KLB: variants seen among roughly 807,000 people sequenced by gnomAD.
KLB encodes the protein beta-klotho.
In KLB, 44 loss-of-function variants were observed where a neutral mutation model predicts 88.4. The ratio of observed to expected loss-of-function variants is 0.50; its 90% confidence interval spans 0.39 to 0.64. The LOEUF (loss-of-function observed/expected upper bound fraction) is 0.64, where lower values mean the gene tolerates loss of function less well. Ranked by LOEUF, KLB falls within the 30% of genes least tolerant of loss-of-function variation. The probability of loss-of-function intolerance (pLI) is 0.00; values close to 1 mark genes in which losing one functional copy is unlikely to be tolerated. For missense variants in KLB, 1,137 were observed against 1,304.8 expected (o/e 0.87, Z 1.98); for synonymous variants, 548 against 513.4 (o/e 1.07, Z -0.91).
At chr4:39,441,591 G>A (rs1325571646) in intron 3 of KLB, 8 of 151,976 alleles carry the variant, frequency 5.3e-5, no homozygotes, top group Admixed American at 4.6e-4. Flanking sequence ...GTCAGGTCTG[G>A]GTTTCATACT....
chr4:39,428,535 T>C (rs1021915996), intron 1 of KLB, among the ~76,000 whole-genome samples: 2 of 151,734 alleles, frequency 1.3e-5, no homozygotes, highest in Admixed American at 1.3e-4. Flanking sequence ...AAGTTAGCTA[T>C]TGAAACATTT....
intron 1 of KLB, among the ~76,000 whole-genome samples, chr4:39,421,302 CAAAT>C (rs1418512636): frequency 1.9e-4 from 29 of 152,124 alleles, no homozygotes; most frequent in African/African-American, 7.0e-4. Flanking sequence ...GAAACTCAGA[CAAAT>C]AAAAGTGACT....
At chr4:39,434,818 T>G (rs1180226964) in intron 2 of KLB, 98 bp downstream of exon 2, 6 of 1,002,572 alleles carry the variant, frequency 6.0e-6, no homozygotes, top group Non-Finnish European at 8.6e-6. Context: ...TGGGCTTTTT[T>G]TTTTTTGAAA....
At chr4:39,423,104 C>T (rs1488320666) in intron 1 of KLB, among the ~76,000 whole-genome samples, 3 of 151,850 alleles carry the variant, frequency 2.0e-5, no homozygotes, top group Non-Finnish European at 4.4e-5. Context: ...GATCACCATT[C>T]ACAGGGGAAG....
At position 39,447,331 on chromosome 4, in the gene KLB, G is replaced by C; in HGVS notation, c.2605G>C (p.Val869Leu). ...PTRLAVIPWG[V>L]RKLLRWVRRN... ...GCGCCTGGCTGTGATTCCCTGGGGGGTGCGCAAGCTGCTGCGGTGGGTCCG... is the reference window on the plus strand; with the variant it reads ...GCGCCTGGCTGTGATTCCCTGGGGGCTGCGCAAGCTGCTGCGGTGGGTCCG... The change falls in exon 4 of 5, where the codon GTG becomes CTG. Residue 869 changes from valine to leucine, a missense_variant. Coordinates refer to ENST00000257408, the MANE Select transcript of KLB (RefSeq NM_175737.4). The C allele has an allele frequency of 6.2e-7, 1 of 1,614,164 alleles. No individual in the cohort carries two copies. Among genetic ancestry groups the C allele is most frequent in the South Asian group, 1.1e-5 (1 of 91,080 alleles).
At chr4:39,428,254 C>T (rs2608818) in intron 1 of KLB, among the ~76,000 whole-genome samples, 81,436 of 151,904 alleles carry the variant, frequency 0.54, 24,071 homozygotes, top group East Asian at 0.71. Context: ...TGGTGAAACC[C>T]CGTCTCTACT....
chr4:39,423,985 T>C (rs1160930611), intron 1 of KLB, among the ~76,000 whole-genome samples: 1 of 151,846 alleles, frequency 6.6e-6, no homozygotes, highest in Non-Finnish European at 1.5e-5. Flanking sequence ...GGCAACATAG[T>C]GAGACCCTGT....
At chr4:39,428,575 C>T (rs373311216) in intron 1 of KLB, among the ~76,000 whole-genome samples, 26 of 151,880 alleles carry the variant, frequency 1.7e-4, no homozygotes, top group African/African-American at 5.6e-4. Flanking sequence ...AACAAAAGAA[C>T]GAAGAAAAAT....
intron 1 of KLB, among the ~76,000 whole-genome samples, chr4:39,429,030 A>G (rs1305307312): frequency 6.6e-6 from 1 of 152,212 alleles, no homozygotes; most frequent in Non-Finnish European, 1.5e-5. Flanking sequence ...TTAGCTGGGA[A>G]ATATGTTTGG....
chr4:39,441,783 T>TAAAC (rs1743602428), intron 3 of KLB: 1 of 150,476 alleles, frequency 6.6e-6, no homozygotes, highest in African/African-American at 2.4e-5. Flanking sequence ...AATAAATAAA[T>TAAAC]AAATAAATAA....
chr4:39,445,375 A>C (rs964602307), intron 3 of KLB, among the ~76,000 whole-genome samples: 2 of 152,210 alleles, frequency 1.3e-5, no homozygotes, highest in Admixed American at 1.3e-4. Context: ...TTCTAGGGAT[A>C]GTCTACTGTC....
At position 39,407,396 on chromosome 4, in the gene KLB, T is replaced by C. The variant is rs1221414221; in HGVS notation, c.447T>C (p.Tyr149=). 1 of 1,613,568 alleles carries C rather than the reference T, an allele frequency of 6.2e-7. No homozygotes were observed. The highest frequency in any genetic ancestry group is 2.2e-5 in the East Asian group (1 of 44,892). Residue 149 remains tyrosine, a synonymous_variant, in exon 1 of 5, where the codon TAT becomes TAC. Transcript: ENST00000257408. ...TGGATTTTATAGGAGTTTCTTTTTA[T>C]CAATTTTCAATTTCCTGGCCAAGGC... ...SALDFIGVSF[Y]QFSISWPRLF...
intron 1 of KLB, among the ~76,000 whole-genome samples, chr4:39,422,396 A>G (rs1743108797): frequency 1.3e-5 from 2 of 152,164 alleles, no homozygotes; most frequent in Non-Finnish European, 2.9e-5. Context: ...GGCAGGCAAG[A>G]GCACATAGGG....
rs143746958 is a variant in KLB at position 39,444,360 on chromosome 4, C to T, written c.1606-1972C>T. ...TTGTTTCAAATTTAGTCAATGGGAC[C>T]CCCTCAAGCTGTTTCTGTCTTTTCC... On this transcript the variant is annotated intron_variant, in intron 3 of 4. Coordinates refer to ENST00000257408, the MANE Select transcript of KLB (RefSeq NM_175737.4). 3.0e-4 allele frequency among the ~76,000 whole-genome samples: 45 copies of T among 152,158 alleles called. No individual in the cohort carries two copies. The East Asian group carries it at 8.1e-3, about 27-fold the overall frequency.
intron 1 of KLB, among the ~76,000 whole-genome samples, chr4:39,413,831 T>C (rs1742911921): frequency 6.6e-6 from 1 of 152,214 alleles, no homozygotes. Flanking sequence ...TGTCTTTTAC[T>C]AGTCACATTG....
In KLB at chr4:39,424,156, A is replaced by G. The variant is rs1292258253; in HGVS notation, c.826-10054A>G. Among the ~76,000 whole-genome samples the G allele has an allele frequency of 1.3e-5, 2 of 151,582 alleles. 1 individual carries two copies. Among genetic ancestry groups the G allele is most frequent in the African/African-American group, 4.9e-5 (2 of 40,968 alleles). On this transcript the variant is annotated intron_variant, in intron 1 of 4. Transcript: ENST00000257408. ...ACAATCACGGCTCATTGCAGCCTCA[A>G]CCTCCGTGGGCTCAGGTGATCCTCC...
intron 1 of KLB, among the ~76,000 whole-genome samples, chr4:39,426,836 C>T (rs1038096358): frequency 1.3e-5 from 2 of 152,040 alleles, no homozygotes; most frequent in East Asian, 3.9e-4. Flanking sequence ...TACAGGCATG[C>T]CACCATGCCT....
chr4:39,432,148 A>G (rs3102166), intron 1 of KLB, among the ~76,000 whole-genome samples: 127,631 of 152,064 alleles, frequency 0.84, 55,911 homozygotes, highest in Non-Finnish European at 0.96. Flanking sequence ...TTAACTGGGC[A>G]TGGTGGTGCT....
At position 39,446,326 on chromosome 4, in the gene KLB, T is replaced by C; in HGVS notation, c.1606-6T>C. ...TGCTTGACCTAAATGAGCTTGTTTTTCACAGCCCGAGTCTGTGGCTTCGTC... is the reference window on the plus strand; with the variant it reads ...TGCTTGACCTAAATGAGCTTGTTTTCCACAGCCCGAGTCTGTGGCTTCGTC... On this transcript the variant is annotated splice_region_variant and splice_polypyrimidine_tract_variant and intron_variant, in intron 3 of 4. Coordinates refer to ENST00000257408, the MANE Select transcript of KLB (RefSeq NM_175737.4). This position sits in a 1 kb window ranked among gnomAD's most constrained non-coding sequence, Gnocchi z 6.4. 3 of 1,610,198 alleles carry C rather than the reference T, an allele frequency of 1.9e-6. No individual in the cohort carries two copies. Among genetic ancestry groups the C allele is most frequent in the Non-Finnish European group, 2.5e-6 (3 of 1,177,910 alleles).
Sources: allele counts gnomAD v4.1 joint callset (sites outside exome capture counted in the v4.1 genomes callset), GRCh38; gene constraint gnomAD v4.1.1; non-coding constraint Gnocchi (gnomAD v3.1); transcripts MANE v1.5; gene names NCBI Gene and HGNC (gene_info 2026-07-23, HGNC 2026-07-21).